Variants in HACE1 observed in about 807,000 individuals in gnomAD.
HACE1 encodes HECT domain and ankyrin repeat containing E3 ubiquitin protein ligase 1, also known as E3 ubiquitin-protein ligase HACE1.
Under a neutral mutation model 118.4 loss-of-function variants are expected in HACE1, and 73 were observed. The ratio of observed to expected loss-of-function variants is 0.62; its 90% CI spans 0.51 to 0.75. HACE1 has a LOEUF of 0.75. Among genes scored for constraint, HACE1 ranks in the 30% least tolerant of loss-of-function variants. The pLI is 0.00. For missense variants in HACE1, 749 were observed against 1,102.2 expected (o/e 0.68, Z 4.54); for synonymous variants, 368 against 374.8 (o/e 0.98, Z 0.21).
chr6:104,816,704 C>T (rs549760704), intron 6 of HACE1, among the ~76,000 whole-genome samples: 1 of 152,126 alleles, frequency 6.6e-6, no homozygotes, highest in Non-Finnish European at 1.5e-5. Context: ...GCCACCACCC[C>T]CCAGACCCAA....
intron 19 of HACE1, among the ~76,000 whole-genome samples, chr6:104,751,266 T>G (rs116846728): frequency 0.011 from 1,652 of 152,304 alleles, 19 homozygotes; most frequent in Non-Finnish European, 0.017. Flanking sequence ...TTCTAAAAAG[T>G]GGCTGCCACT....
At chr6:104,754,470 AT>A (rs1162690242) in intron 19 of HACE1, among the ~76,000 whole-genome samples, 1 of 152,166 alleles carries the variant, frequency 6.6e-6, no homozygotes, top group Non-Finnish European at 1.5e-5. Context: ...TTCACATCAG[AT>A]TCCCCAAAGC....
chr6:104,737,379 G>A (rs1582580494), intron 22 of HACE1, among the ~76,000 whole-genome samples: 1 of 149,598 alleles, frequency 6.7e-6, no homozygotes, highest in Non-Finnish European at 1.5e-5. Flanking sequence ...CGTGAGCCAC[G>A]CAAAAGATGG....
At position 104,811,241 on chromosome 6, in the gene HACE1, T is replaced by TAC. The variant is rs1491089621; in HGVS notation, c.617+69_617+70insGT. 7.7e-3 allele frequency: 1,712 copies of TAC among 221,794 alleles called. 21 individuals carry two copies. Among genetic ancestry groups the TAC allele is most frequent in the East Asian group, 0.012 (109 of 8,790 alleles). The allele number at this position is 221,794 out of a possible 1,614,324, so 13.7% of individuals were successfully genotyped here. ...ATCTGGAAATATATATATTTCTTTA[T>TAC]TTATACATATATATATATATATATA... On this transcript the variant is annotated intron_variant, in intron 7 of 23. Transcript: ENST00000262903.
intron 6 of HACE1, among the ~76,000 whole-genome samples, chr6:104,812,396 T>C (rs1443227908): frequency 2.0e-5 from 3 of 152,000 alleles, no homozygotes; most frequent in African/African-American, 7.2e-5. Flanking sequence ...CTATGAATTA[T>C]ATTACACCAC....
chr6:104,730,264 A>T, intron 23 of HACE1, 39 bp downstream of exon 23: 1 of 979,936 alleles, frequency 1.0e-6, no homozygotes, highest in South Asian at 1.3e-5. Flanking sequence ...ATTAATCAAA[A>T]CAATTTGTAA....
chr6:104,831,984 A>AGAAGAGAAGAGAAGAGAAGAGAAGAGG lies in HACE1; in HGVS notation c.534+1057_534+1058insCCTCTTCTCTTCTCTTCTCTTCTCTTC, dbSNP rs201781305. Among the ~76,000 whole-genome samples the AGAAGAGAAGAGAAGAGAAGAGAAGAGG allele has an allele frequency of 1.1e-3, 63 of 58,502 alleles. 1 individual carries two copies. The highest frequency in any genetic ancestry group is 7.7e-3 in the Middle Eastern group (1 of 130). The allele number at this position is 58,502 out of a possible 152,430, so 38.4% of individuals were successfully genotyped here. A position where few individuals can be genotyped will look rare whatever the true frequency, so the allele number is the denominator to read the frequency against. Reference sequence around the variant, plus strand: ...AGAAGAGAAGAGAAGAGAAGAGAGGAAGGAAGGAAGGAAGGAAGGAAGGAA... The same window carrying AGAAGAGAAGAGAAGAGAAGAGAAGAGG: ...AGAAGAGAAGAGAAGAGAAGAGAGGAGAAGAGAAGAGAAGAGAAGAGAAGAGGAGGAAGGAAGGAAGGAAGGAAGGAA... On this transcript the variant is annotated intron_variant, in intron 6 of 23. Coordinates refer to ENST00000262903, the MANE Select transcript of HACE1 (RefSeq NM_020771.4).
At chr6:104,844,014 G>A (rs567309287) in intron 4 of HACE1, among the ~76,000 whole-genome samples, 9 of 151,074 alleles carry the variant, frequency 6.0e-5, no homozygotes, top group Admixed American at 1.3e-4. Context: ...GTGCCACCAC[G>A]CCAGCTAATT....
At chr6:104,795,493 A>AAGGT (rs1783511576) in intron 10 of HACE1, 86 bp downstream of exon 10, 10 of 837,950 alleles carry the variant, frequency 1.2e-5, no homozygotes, top group African/African-American at 1.7e-5. Context: ...TCACTGACAA[A>AAGGT]AGGTATCCCA....
chr6:104,740,030 A>C (rs1003899905), intron 22 of HACE1, among the ~76,000 whole-genome samples: 2 of 152,048 alleles, frequency 1.3e-5, no homozygotes, highest in Non-Finnish European at 2.9e-5. Context: ...AAACCACTCA[A>C]CTACATGGAA....
chr6:104,779,370 A>T (rs1562351381), intron 14 of HACE1, among the ~76,000 whole-genome samples: 1 of 152,216 alleles, frequency 6.6e-6, no homozygotes, highest in Non-Finnish European at 1.5e-5. Flanking sequence ...ACTTGTTATT[A>T]ATTCTTAATA....
rs952238829 is a variant in HACE1 at position 104,775,230 on chromosome 6, G to A, written c.1864+1511C>T. ...CAAAAACTAGCCAGGCGCCATGGCT[G>A]GTCTCCCAGCTCAAGTGATCCTCCC... On this transcript the variant is annotated intron_variant, in intron 17 of 23. Coordinates refer to ENST00000262903, the MANE Select transcript of HACE1 (RefSeq NM_020771.4). Among the ~76,000 whole-genome samples the A allele has an allele frequency of 7.9e-5, 12 of 152,060 alleles. No homozygotes were observed. In the South Asian group the frequency reaches 2.5e-3, roughly 32 times the overall value.
chr6:104,812,456 C>A (rs1166518144), intron 6 of HACE1, among the ~76,000 whole-genome samples: 1 of 151,736 alleles, frequency 6.6e-6, no homozygotes, highest in Non-Finnish European at 1.5e-5. Context: ...TAAAAAAAAA[C>A]AAAATAGTTT....
chr6:104,795,247 T>G (rs1249260519), intron 10 of HACE1, among the ~76,000 whole-genome samples: 2 of 152,328 alleles, frequency 1.3e-5, no homozygotes, highest in South Asian at 4.1e-4. Flanking sequence ...AATTTTATTT[T>G]ATTAATTAGT....
intron 19 of HACE1, among the ~76,000 whole-genome samples, chr6:104,754,297 C>T (rs923638364): frequency 2.0e-5 from 3 of 152,060 alleles, no homozygotes; most frequent in African/African-American, 4.8e-5. Flanking sequence ...CTGAAAGAGA[C>T]GAGGAGAATG....
intron 14 of HACE1, among the ~76,000 whole-genome samples, chr6:104,778,724 C>A (rs1781456926): frequency 6.6e-6 from 1 of 151,818 alleles, no homozygotes; most frequent in South Asian, 2.1e-4. Context: ...AACTTTAACC[C>A]AGGAGTTCAA....
At chr6:104,774,080 C>CTTTTTTTT (rs540039211) in intron 17 of HACE1, among the ~76,000 whole-genome samples, 10 of 74,846 alleles carry the variant, frequency 1.3e-4, no homozygotes, top group East Asian at 3.0e-4. Context: ...CATCTTTTCT[C>CTTTTTTTT]TTTTTTTTTT....
chr6:104,777,127 G>T lies in HACE1; in HGVS notation c.1679-17C>A, dbSNP rs1562346544. On this transcript the variant is annotated splice_polypyrimidine_tract_variant and intron_variant, in intron 15 of 23. Transcript: ENST00000262903. The stretch of plus-strand genomic sequence containing the variant: ...AAATAGAATCTAAATATGTAGCATT[G>T]GTTAATTTTACATATTAAAATTTAT... 8 of 1,564,304 alleles carry T rather than the reference G, an allele frequency of 5.1e-6. No individual in the cohort carries two copies. The highest frequency in any genetic ancestry group is 6.2e-6 in the Non-Finnish European group (7 of 1,135,216).
chr6:104,730,355 TA>T lies in HACE1; in HGVS notation c.2574del (p.Phe858LeufsTer82), dbSNP rs1467195727. The T allele has an allele frequency of 6.2e-7, 1 of 1,604,574 alleles. No homozygotes were observed. The highest frequency in any genetic ancestry group is 2.2e-5 in the East Asian group (1 of 44,826). On this transcript the variant is annotated frameshift_variant, in exon 23 of 24. Transcript: ENST00000262903. LOFTEE classifies it high-confidence loss of function. ...GGAGTATATGGCACAGCAGCGATTGTAAAGTTTTGCAATCCACTTCCACCCA... is the reference window on the plus strand; with the variant it reads ...GGAGTATATGGCACAGCAGCGATTGTAAGTTTTGCAATCCACTTCCACCCA... ...NIMGGSGLQN[F>X]TIAAVPYTPN...
Sources: allele counts gnomAD v4.1 joint callset (sites outside exome capture counted in the v4.1 genomes callset), GRCh38; gene constraint gnomAD v4.1.1; transcripts MANE v1.5; gene names NCBI Gene and HGNC (gene_info 2026-07-23, HGNC 2026-07-21).